Variants in TMEM164 observed in about 807,000 individuals in gnomAD.
The protein encoded by TMEM164 is RP13-360B22.2.
In TMEM164, 4 loss-of-function variants were observed where a neutral mutation model predicts 18.8. The ratio of observed to expected loss-of-function variants is 0.21; its 90% CI spans 0.10 to 0.49. TMEM164 has a LOEUF of 0.49. Ranked by LOEUF, TMEM164 falls within the 20% of genes least tolerant of loss-of-function variation. The pLI is 0.98. For missense variants in TMEM164, 108 were observed against 239.9 expected (o/e 0.45, Z 3.63); for synonymous variants, 86 against 101.7 (o/e 0.85, Z 0.93).
At chrX:110,141,147 A>G (rs1245510986) in intron 4 of TMEM164, among the ~76,000 whole-genome samples, 1 of 111,445 alleles carries the variant, frequency 9.0e-6, no homozygotes, top group African/African-American at 3.3e-5. Flanking sequence ...ATGAGACCCT[A>G]TTTCTTTAAA....
At chrX:110,057,489 TTGA>T (rs1348492584) in intron 2 of TMEM164, among the ~76,000 whole-genome samples, 1 of 110,954 alleles carries the variant, frequency 9.0e-6, no homozygotes, top group Non-Finnish European at 1.9e-5. Context: ...CTTTGAGATC[TTGA>T]TTTCAACTGT....
chrX:110,116,957 T>A (rs191421453), intron 4 of TMEM164, among the ~76,000 whole-genome samples: 16 of 108,907 alleles, frequency 1.5e-4, no homozygotes, highest in Non-Finnish European at 2.1e-4. Flanking sequence ...CTTGTGCAAG[T>A]TACTTATCCT....
At chrX:110,021,162 C>T (rs1195320388) in intron 2 of TMEM164, among the ~76,000 whole-genome samples, 1 of 111,122 alleles carries the variant, frequency 9.0e-6, no homozygotes, top group Non-Finnish European at 1.9e-5. Flanking sequence ...GTGTAGATTC[C>T]TTTAGTAATT....
At chrX:110,128,086 T>C (rs2066560638) in intron 4 of TMEM164, among the ~76,000 whole-genome samples, 1 of 112,711 alleles carries the variant, frequency 8.9e-6, no homozygotes, top group African/African-American at 3.2e-5. Context: ...ACCTAAGACC[T>C]ATAAGTCTCA....
downstream of TMEM164, among the ~76,000 whole-genome samples, chrX:110,181,218 C>T (rs1206857239): frequency 1.8e-5 from 2 of 111,797 alleles, no homozygotes; most frequent in Non-Finnish European, 3.8e-5. Flanking sequence ...TTGACCTGAC[C>T]GTCTATAGCA....
Position 110,024,458 on chromosome X carries a change from A to AT in TMEM164, c.390+20300dup, listed in dbSNP as rs749601203. On this transcript the variant is annotated intron_variant, in intron 2 of 6. Transcript: ENST00000372068. ...GCCATCGCACCTGGCTGATTTTTAAATTTTTTGTAGAGACAGGGTCTCACT... is the reference window on the plus strand; with the variant it reads ...GCCATCGCACCTGGCTGATTTTTAAATTTTTTTGTAGAGACAGGGTCTCACT... 1.6e-4 allele frequency among the ~76,000 whole-genome samples: 18 copies of AT among 111,233 alleles called. No homozygotes were observed. The South Asian group carries it at 6.8e-3, about 42-fold the overall frequency.
chrX:110,051,583 CAA>C (rs752516546), intron 2 of TMEM164, among the ~76,000 whole-genome samples: 1 of 65,821 alleles, frequency 1.5e-5, no homozygotes. Flanking sequence ...AACTTTCTTT[CAA>C]AAAAAAAAAA....
intron 3 of TMEM164, among the ~76,000 whole-genome samples, chrX:110,101,361 G>A (rs1279858264): frequency 1.8e-5 from 2 of 111,125 alleles, no homozygotes; most frequent in South Asian, 3.7e-4. Flanking sequence ...GGAGTTTGTG[G>A]TTTTTGAAGA....
At chrX:110,093,223 A>G (rs2065960553) in intron 3 of TMEM164, among the ~76,000 whole-genome samples, 1 of 112,083 alleles carries the variant, frequency 8.9e-6, no homozygotes, top group Non-Finnish European at 1.9e-5. Context: ...TGCTGGCCTC[A>G]TAAAATAAGT....
intron 2 of TMEM164, among the ~76,000 whole-genome samples, chrX:110,023,523 A>G (rs1212241216): frequency 9.0e-6 from 1 of 111,073 alleles, no homozygotes; most frequent in African/African-American, 3.3e-5. Flanking sequence ...GTTCAGGTAT[A>G]ATTCAAGGTA....
chrX:110,098,950 A>ATTTTTTTTTTTT, intron 3 of TMEM164, among the ~76,000 whole-genome samples: 1 of 85,095 alleles, frequency 1.2e-5, no homozygotes, highest in Non-Finnish European at 2.3e-5. Flanking sequence ...CACCCGGCTA[A>ATTTTTTTTTTTT]TTTTTTTTTT....
At chrX:110,077,685 A>G (rs1042913055) in intron 3 of TMEM164, among the ~76,000 whole-genome samples, 25 of 111,690 alleles carry the variant, frequency 2.2e-4, no homozygotes, top group African/African-American at 8.1e-4. Context: ...GCTTGTCTAG[A>G]AAAGATTTTA....
At chrX:110,018,286 G>C (rs1238936147) in intron 2 of TMEM164, among the ~76,000 whole-genome samples, 6 of 112,279 alleles carry the variant, frequency 5.3e-5, no homozygotes, top group African/African-American at 1.9e-4. Flanking sequence ...AGTTCATCTT[G>C]GTTGAGTAGT....
intron 2 of TMEM164, among the ~76,000 whole-genome samples, chrX:110,065,763 G>C (rs1003712930): frequency 2.7e-5 from 3 of 111,552 alleles, no homozygotes; most frequent in Non-Finnish European, 3.8e-5. Flanking sequence ...CTCCCAGTGG[G>C]GTTTGAGGCA....
intron 2 of TMEM164, among the ~76,000 whole-genome samples, chrX:110,038,893 G>A (rs1388282571): frequency 1.1e-4 from 12 of 110,677 alleles, no homozygotes; most frequent in African/African-American, 4.0e-4. Context: ...ACTACTTTGA[G>A]CTTCACACTT....
chrX:110,103,908 C>T (rs1391964542), intron 3 of TMEM164, among the ~76,000 whole-genome samples: 2 of 110,660 alleles, frequency 1.8e-5, no homozygotes, highest in East Asian at 5.7e-4. Flanking sequence ...TTGAGCTATG[C>T]AGGTCCACTT....
At chrX:110,013,412 C>T (rs1016682284) in intron 2 of TMEM164, among the ~76,000 whole-genome samples, 5 of 112,003 alleles carry the variant, frequency 4.5e-5, no homozygotes, top group Non-Finnish European at 7.5e-5. Flanking sequence ...GTGTTCTCTT[C>T]AGAAATCAGG....
At chrX:110,066,961 A>G (rs1403711047) in intron 2 of TMEM164, among the ~76,000 whole-genome samples, 1 of 111,873 alleles carries the variant, frequency 8.9e-6, no homozygotes, top group Non-Finnish European at 1.9e-5. Flanking sequence ...AAATTTGGCA[A>G]TGTTGAGTAT....
At chrX:110,121,904 G>T (rs959287625) in intron 4 of TMEM164, among the ~76,000 whole-genome samples, 2 of 111,917 alleles carry the variant, frequency 1.8e-5, no homozygotes, top group African/African-American at 6.5e-5. Context: ...CGTAGAGGTT[G>T]AGTATCCGTT....
Sources: gnomAD v4.1 joint callset for allele counts (sites outside exome capture counted in the v4.1 genomes callset) on GRCh38, gnomAD v4.1.1 for gene constraint, MANE v1.5 for transcripts, NCBI Gene and HGNC (gene_info 2026-07-23, HGNC 2026-07-21) for gene names.